Variants in EYS observed in about 807,000 individuals in gnomAD.
EYS encodes the protein EGF-like photoreceptor maintenance factor.
In EYS, 250 loss-of-function variants were observed where a neutral mutation model predicts 282.1. The ratio of observed to expected loss-of-function variants is 0.89; its 90% CI spans 0.80 to 0.98. The LOEUF is 0.98. Ranked by LOEUF, EYS falls within the 50% of genes least tolerant of loss-of-function variation. The pLI is 0.00. For missense variants in EYS, 4,016 were observed against 3,709.0 expected (o/e 1.08, Z -2.15); for synonymous variants, 1,355 against 1,282.9 (o/e 1.06, Z -1.20).
intron 5 of EYS, among the ~76,000 whole-genome samples, chr6:65,472,339 C>T (rs552809956): frequency 9.2e-5 from 14 of 151,966 alleles, no homozygotes; most frequent in African/African-American, 2.4e-4. Context: ...GAAGGCAGTA[C>T]GTTAGGATGA....
intron 29 of EYS, among the ~76,000 whole-genome samples, chr6:64,327,215 G>A (rs900579914): frequency 1.3e-5 from 2 of 152,118 alleles, no homozygotes; most frequent in African/African-American, 4.8e-5. Context: ...CTCCACAGCT[G>A]CAGCTAGCTG....
At position 65,232,800 on chromosome 6, in the gene EYS, A is replaced by G. The variant is rs1428408795; in HGVS notation, c.2023+63063T>C. Among the ~76,000 whole-genome samples, 4 of 152,234 alleles carry G rather than the reference A, an allele frequency of 2.6e-5. No homozygotes were observed. The East Asian group carries it at 7.7e-4, about 29-fold the overall frequency. On this transcript the variant is annotated intron_variant, in intron 12 of 42. Coordinates refer to ENST00000503581, the MANE Select transcript of EYS (RefSeq NM_001142800.2). Reference sequence around the variant, plus strand: ...CTTCAACATATGAATTTGGGTGGGGAGTGATAATTTGACCCATAATAACCC... The same window carrying G: ...CTTCAACATATGAATTTGGGTGGGGGGTGATAATTTGACCCATAATAACCC...
rs908634004 is a variant in EYS, at chr6:65,003,003, C to CAAATTGT, written c.2138-5307_2138-5301dup. Among the ~76,000 whole-genome samples, 72 of 147,268 alleles carry CAAATTGT rather than the reference C, an allele frequency of 4.9e-4. 6 individuals carry two copies. The highest frequency in any genetic ancestry group is 2.0e-4 in the Admixed American group (3 of 14,806). On this transcript the variant is annotated intron_variant, in intron 13 of 42. Coordinates refer to ENST00000503581, the MANE Select transcript of EYS (RefSeq NM_001142800.2). ...CCCTGTAATAATTGCATTAACTGCACAAATTGTACAGCATGTGTGTTTGAG... is the reference window on the plus strand; with the variant it reads ...CCCTGTAATAATTGCATTAACTGCACAAATTGTAAATTGTACAGCATGTGTGTTTGAG...
At chr6:65,166,801 C>T (rs1295762871) in intron 12 of EYS, among the ~76,000 whole-genome samples, 1 of 150,994 alleles carries the variant, frequency 6.6e-6, no homozygotes, top group Non-Finnish European at 1.5e-5. Flanking sequence ...TTATAAGGAA[C>T]CACTAATTCA....
chr6:64,032,715 C>T (rs1373587186), intron 33 of EYS, among the ~76,000 whole-genome samples: 2 of 152,192 alleles, frequency 1.3e-5, no homozygotes, highest in Non-Finnish European at 2.9e-5. Context: ...GCTCACTGAA[C>T]TCAGGAAAAC....
At chr6:65,081,093 T>C (rs1374459584) in intron 12 of EYS, among the ~76,000 whole-genome samples, 1 of 152,158 alleles carries the variant, frequency 6.6e-6, no homozygotes, top group Non-Finnish European at 1.5e-5. Flanking sequence ...CATAATGTGG[T>C]AATTTCAAAT....
chr6:64,775,824 G>A (rs748365982), intron 22 of EYS, among the ~76,000 whole-genome samples: 3 of 151,932 alleles, frequency 2.0e-5, no homozygotes, highest in Non-Finnish European at 4.4e-5. Context: ...TAAACATCAA[G>A]GTAGTACAAT....
intron 12 of EYS, among the ~76,000 whole-genome samples, chr6:65,094,046 TTTAG>T (rs992169593): frequency 2.0e-5 from 3 of 151,750 alleles, no homozygotes; most frequent in African/African-American, 4.8e-5. Flanking sequence ...ATAAGTTTTA[TTTAG>T]TTAGTTCAGA....
intron 30 of EYS, among the ~76,000 whole-genome samples, chr6:64,304,766 A>C (rs1769374047): frequency 6.6e-6 from 1 of 152,250 alleles, no homozygotes; most frequent in Non-Finnish European, 1.5e-5. Flanking sequence ...CATTCTGTTT[A>C]ACAACCAAAG....
chr6:64,015,217 A>G (rs1217993350), intron 33 of EYS, among the ~76,000 whole-genome samples: 2 of 152,214 alleles, frequency 1.3e-5, no homozygotes, highest in Non-Finnish European at 2.9e-5. Context: ...AAACAATTAC[A>G]CTAAACATTT....
chr6:64,537,336 C>G (rs1427077140), intron 26 of EYS, among the ~76,000 whole-genome samples: 1 of 150,502 alleles, frequency 6.6e-6, no homozygotes, highest in East Asian at 2.0e-4. Context: ...AGGACATGAA[C>G]TCATCATTTT....
chr6:64,463,757 G>A (rs1775832189), intron 26 of EYS, among the ~76,000 whole-genome samples: 1 of 151,992 alleles, frequency 6.6e-6, no homozygotes, highest in Admixed American at 6.6e-5. Context: ...AAATATAAAG[G>A]ATCATAAGAG....
At chr6:65,637,938 A>G (rs1767146416) in intron 2 of EYS, among the ~76,000 whole-genome samples, 1 of 152,192 alleles carries the variant, frequency 6.6e-6, no homozygotes, top group Non-Finnish European at 1.5e-5. Flanking sequence ...TCGGGTGGAA[A>G]GGGGTGCATC....
intron 35 of EYS, among the ~76,000 whole-genome samples, chr6:63,965,974 G>A (rs1766289536): frequency 6.6e-6 from 1 of 152,170 alleles, no homozygotes; most frequent in Non-Finnish European, 1.5e-5. Flanking sequence ...CCTGCTCTGT[G>A]AGCTTGAGCA....
intron 5 of EYS, among the ~76,000 whole-genome samples, chr6:65,424,606 C>T (rs1181810237): frequency 6.6e-6 from 1 of 151,990 alleles, no homozygotes; most frequent in African/African-American, 2.4e-5. Flanking sequence ...CCAATCAGTA[C>T]ACAATTATAT....
intron 11 of EYS, among the ~76,000 whole-genome samples, chr6:65,299,687 G>A (rs1487924937): frequency 4.6e-5 from 7 of 151,912 alleles, no homozygotes; most frequent in Admixed American, 3.9e-4. Flanking sequence ...ATTACAGTGC[G>A]TTTCCATTTC....
At chr6:64,124,682 A>G (rs1773702518) in intron 31 of EYS, among the ~76,000 whole-genome samples, 1 of 152,190 alleles carries the variant, frequency 6.6e-6, no homozygotes, top group Non-Finnish European at 1.5e-5. Context: ...TGTGTTAGGT[A>G]TTTCTAGAAG....
At chr6:64,056,985 A>G (rs1430541970) in intron 33 of EYS, among the ~76,000 whole-genome samples, 1 of 152,216 alleles carries the variant, frequency 6.6e-6, no homozygotes, top group East Asian at 1.9e-4. Flanking sequence ...GCCAGCTAAT[A>G]GAAAGTTAAA....
At chr6:64,108,169 C>G (rs1773093000) in intron 31 of EYS, among the ~76,000 whole-genome samples, 1 of 152,034 alleles carries the variant, frequency 6.6e-6, no homozygotes, top group Non-Finnish European at 1.5e-5. Context: ...AGGGGAAACT[C>G]AAAAAAGTGT....
Sources: gnomAD v4.1 joint callset for allele counts (sites outside exome capture counted in the v4.1 genomes callset) on GRCh38, gnomAD v4.1.1 for gene constraint, MANE v1.5 for transcripts, NCBI Gene and HGNC (gene_info 2026-07-23, HGNC 2026-07-21) for gene names.